Variants in DRG1 observed in about 807,000 individuals in gnomAD.
DRG1 encodes the protein developmentally-regulated GTP-binding protein 1.
A neutral mutation model predicts 38.8 loss-of-function variants in DRG1; 19 were observed. That is an observed-to-expected ratio of 0.49 (90% CI 0.34 to 0.72). DRG1 has a LOEUF of 0.72. Ranked by LOEUF, DRG1 falls within the 30% of genes least tolerant of loss-of-function variation. The pLI, the probability that DRG1 is intolerant of heterozygous loss-of-function variation, is 0.01. For synonymous variants in DRG1, 167 were observed against 157.5 expected, an observed-to-expected ratio of 1.06 and a Z score of -0.45; for missense variants, 299 against 444.8, an observed-to-expected ratio of 0.67 and a Z score of 2.95.
chr22:31,400,612 C>T lies in DRG1; in HGVS notation c.43-8C>T. The T allele has an allele frequency of 6.2e-7, 1 of 1,611,268 alleles. No homozygotes were observed. The highest frequency in any genetic ancestry group is 1.1e-5 in the South Asian group (1 of 90,762). ...TTCTAATTTATGGCTGTGATTCCTCCCTTTTAGATGGCTCGGACTCAAAAG... is the reference window on the plus strand; with the variant it reads ...TTCTAATTTATGGCTGTGATTCCTCTCTTTTAGATGGCTCGGACTCAAAAG... On this transcript the variant is annotated splice_polypyrimidine_tract_variant and splice_region_variant and intron_variant, in intron 1 of 8. Coordinates refer to ENST00000331457, the MANE Select transcript of DRG1 (RefSeq NM_004147.4).
At chr22:31,418,492 G>C (rs1457148020) in intron 4 of DRG1, among the ~76,000 whole-genome samples, 2 of 151,696 alleles carry the variant, frequency 1.3e-5, no homozygotes, top group East Asian at 3.9e-4. Context: ...TGAGGAACTA[G>C]AAAGTTGATG....
intron 4 of DRG1, among the ~76,000 whole-genome samples, chr22:31,415,313 A>G (rs956451868): frequency 6.6e-6 from 1 of 152,240 alleles, no homozygotes; most frequent in Non-Finnish European, 1.5e-5. Flanking sequence ...TGTATTGCAC[A>G]GTACAGATGC....
chr22:31,428,077 C>G (rs746432818), intron 8 of DRG1, among the ~76,000 whole-genome samples: 1 of 152,094 alleles, frequency 6.6e-6, no homozygotes, highest in Non-Finnish European at 1.5e-5. Flanking sequence ...GTCTTGAATT[C>G]CTGAGCTCGA....
chr22:31,420,538 T>A, intron 5 of DRG1, 113 bp downstream of exon 5: 1 of 1,274,266 alleles, frequency 7.8e-7, no homozygotes, highest in Non-Finnish European at 1.1e-6. Context: ...CTGCACTAAT[T>A]GAGATAACAC....
intron 8 of DRG1, among the ~76,000 whole-genome samples, chr22:31,431,035 C>CCTTTTTT (rs2050136481): frequency 1.8e-5 from 1 of 56,764 alleles, no homozygotes; most frequent in African/African-American, 6.7e-5. Context: ...CCCCCCCCCG[C>CCTTTTTT]TTTTTTTTTT....
chr22:31,434,203 CAG>C lies in DRG1; in HGVS notation c.*234_*235del. The stretch of plus-strand genomic sequence containing the variant: ...CTACATGCAGCTCATGTGTCATTGT[CAG>C]AATTTGTTTTGGGATGGGCTGAATG... On this transcript the variant is annotated 3_prime_UTR_variant, in exon 9 of 9. Transcript: ENST00000331457. 2.1e-6 allele frequency: 1 copy of C among 484,826 alleles called. No individual in the cohort carries two copies. The highest frequency in any genetic ancestry group is 2.0e-5 in the African/African-American group (1 of 51,178). 30.0% of individuals were successfully genotyped at this position (484,826 alleles called of 1,614,324 possible).
chr22:31,414,708 G>A (rs2050034881), intron 4 of DRG1, among the ~76,000 whole-genome samples: 1 of 151,294 alleles, frequency 6.6e-6, no homozygotes. Context: ...CTGACATGCT[G>A]GCTACTATGC....
chr22:31,402,743 C>T (rs1457887676), intron 2 of DRG1, among the ~76,000 whole-genome samples: 1 of 152,078 alleles, frequency 6.6e-6, no homozygotes, highest in East Asian at 1.9e-4. Flanking sequence ...TTCTTGGACT[C>T]AAGAGATCCT....
intron 6 of DRG1, among the ~76,000 whole-genome samples, chr22:31,424,775 G>GCGTCAGTCACCCTGCC: frequency 7.3e-6 from 1 of 137,634 alleles, no homozygotes. Context: ...GGGATTACAG[G>GCGTCAGTCACCCTGCC]TATGAGCTGC....
At chr22:31,433,808 C>T in intron 8 of DRG1, 64 bp from the exon 9 acceptor site, 1 of 1,474,640 alleles carries the variant, frequency 6.8e-7, no homozygotes. Flanking sequence ...GGGTGGCATC[C>T]AGGCAAATAG....
chr22:31,401,456 G>A (rs1048099612), intron 2 of DRG1, among the ~76,000 whole-genome samples: 22 of 151,956 alleles, frequency 1.4e-4, no homozygotes, highest in Non-Finnish European at 3.1e-4. Flanking sequence ...GCGCATGCCT[G>A]TAATCCCAGC....
At chr22:31,416,614 G>T (rs1387611863) in intron 4 of DRG1, among the ~76,000 whole-genome samples, 1 of 152,054 alleles carries the variant, frequency 6.6e-6, no homozygotes, top group Non-Finnish European at 1.5e-5. Flanking sequence ...AATTAGCCAG[G>T]CATGGTGGCA....
chr22:31,406,616 A>G (rs1321690508), intron 3 of DRG1, among the ~76,000 whole-genome samples: 1 of 151,856 alleles, frequency 6.6e-6, no homozygotes, highest in Non-Finnish European at 1.5e-5. Context: ...CAGATGTTGC[A>G]GTGAGCCGAG....
intron 3 of DRG1, among the ~76,000 whole-genome samples, chr22:31,405,011 G>A (rs1200809466): frequency 1.3e-5 from 2 of 152,032 alleles, no homozygotes; most frequent in Non-Finnish European, 2.9e-5. Context: ...TTTATTGAAT[G>A]TTACTTATTA....
intron 4 of DRG1, among the ~76,000 whole-genome samples, chr22:31,414,140 T>G (rs949861787): frequency 5.9e-5 from 9 of 152,160 alleles, no homozygotes; most frequent in Non-Finnish European, 1.2e-4. Context: ...CACCTAATCT[T>G]GGAGATTCTT....
chr22:31,423,435 G>T, intron 6 of DRG1, 25 bp downstream of exon 6: 3 of 1,612,938 alleles, frequency 1.9e-6, no homozygotes, highest in Non-Finnish European at 2.5e-6. Flanking sequence ...TGCAGTCTGT[G>T]CCTGACTGAA....
In DRG1 at chr22:31,418,378, A is replaced by C. The variant is rs695770; in HGVS notation, c.413-1878A>C. Among the ~76,000 whole-genome samples, 1,404 of 152,234 alleles carry C rather than the reference A, an allele frequency of 9.2e-3. 18 individuals carry two copies. The highest frequency in any genetic ancestry group is 0.032 in the African/African-American group (1,347 of 41,528). ...GAGACTGAGGCAGGATGATCAGTTG[A>C]GCCCAGGAGGTGGAGGTTATAATGA... On this transcript the variant is annotated intron_variant, in intron 4 of 8. Coordinates refer to ENST00000331457, the MANE Select transcript of DRG1 (RefSeq NM_004147.4).
At chr22:31,400,413 A>C (rs917735998) in intron 1 of DRG1, among the ~76,000 whole-genome samples, 1 of 152,060 alleles carries the variant, frequency 6.6e-6, no homozygotes. Context: ...AATTGGAATG[A>C]CCTTAATCGT....
At chr22:31,402,525 T>TC (rs398036880) in intron 2 of DRG1, among the ~76,000 whole-genome samples, 16 of 147,946 alleles carry the variant, frequency 1.1e-4, no homozygotes, top group Non-Finnish European at 1.7e-4. Flanking sequence ...TTTTTTTTTT[T>TC]CGAGACAGGG....
Sources: allele counts gnomAD v4.1 joint callset (sites outside exome capture counted in the v4.1 genomes callset), GRCh38; gene constraint gnomAD v4.1.1; transcripts MANE v1.5; gene names NCBI Gene and HGNC (gene_info 2026-07-23, HGNC 2026-07-21).